The following INPP4B variants were observed in gnomAD, a reference collection of about 807,000 sequenced individuals.
INPP4B encodes inositol polyphosphate 4-phosphatase type II.
Under a neutral mutation model 122.5 loss-of-function variants are expected in INPP4B, and 55 were observed. The observed-to-expected ratio is 0.45, with a 90% CI of 0.36 to 0.56. The LOEUF (loss-of-function observed/expected upper bound fraction) is 0.56. INPP4B is among the 20% of genes least tolerant of loss of function. The probability of loss-of-function intolerance (pLI) is 0.00; values close to 1 mark genes in which losing one functional copy is unlikely to be tolerated. For missense variants in INPP4B, 1,000 were observed against 1,097.7 expected (o/e 0.91, Z 1.26); for synonymous variants, 403 against 388.7 (o/e 1.04, Z -0.43).
At chr4:142,184,837 C>T (rs569525748) in intron 15 of INPP4B, among the ~76,000 whole-genome samples, 16 of 152,172 alleles carry the variant, frequency 1.1e-4, no homozygotes, top group African/African-American at 3.9e-4. Context: ...ATGATGGTGT[C>T]ATGGTGCAAG....
intron 2 of INPP4B, among the ~76,000 whole-genome samples, chr4:142,517,203 T>C (rs1387344505): frequency 6.6e-6 from 1 of 152,062 alleles, no homozygotes; most frequent in Non-Finnish European, 1.5e-5. Flanking sequence ...GTGAAAATTA[T>C]TCTTCAAATT....
chr4:142,639,125 G>A (rs191550752), intron 2 of INPP4B, among the ~76,000 whole-genome samples: 91 of 152,218 alleles, frequency 6.0e-4, no homozygotes, highest in African/African-American at 2.1e-3. Context: ...GTGGGATCAT[G>A]CCACTTGGTT....
At chr4:142,751,938 C>T (rs879704292) in intron 1 of INPP4B, among the ~76,000 whole-genome samples, 1 of 151,994 alleles carries the variant, frequency 6.6e-6, no homozygotes, top group Non-Finnish European at 1.5e-5. Flanking sequence ...TTTCACCCTC[C>T]CCAAAGCATA....
chr4:142,817,877 A>G (rs567773988), intron 1 of INPP4B, among the ~76,000 whole-genome samples: 14 of 152,172 alleles, frequency 9.2e-5, no homozygotes, highest in Non-Finnish European at 1.9e-4. Context: ...CAAAATAACA[A>G]TAAAAGACAC....
chr4:142,519,719 C>T (rs1240658966), intron 2 of INPP4B, among the ~76,000 whole-genome samples: 6 of 152,064 alleles, frequency 3.9e-5, no homozygotes, highest in African/African-American at 1.4e-4. Context: ...AGCACATAAT[C>T]TATTATTCAT....
At chr4:142,633,799 C>G (rs920259632) in intron 2 of INPP4B, among the ~76,000 whole-genome samples, 2 of 151,910 alleles carry the variant, frequency 1.3e-5, no homozygotes, top group Non-Finnish European at 2.9e-5. Flanking sequence ...GATAAAATAA[C>G]ATAAAATAGA....
intron 1 of INPP4B, among the ~76,000 whole-genome samples, chr4:142,800,786 A>G (rs1016559422): frequency 2.0e-5 from 3 of 152,168 alleles, no homozygotes; most frequent in Non-Finnish European, 4.4e-5. Flanking sequence ...CCTCCTTAGT[A>G]CTATGCTTGG....
chr4:142,629,691 G>T (rs1331055510), intron 2 of INPP4B, among the ~76,000 whole-genome samples: 1 of 152,074 alleles, frequency 6.6e-6, no homozygotes, highest in Non-Finnish European at 1.5e-5. Context: ...AGTTCACTGT[G>T]ACAAGAATTA....
intron 25 of INPP4B, among the ~76,000 whole-genome samples, chr4:142,058,041 C>T (rs1445336531): frequency 1.3e-5 from 2 of 151,960 alleles, no homozygotes; most frequent in African/African-American, 4.8e-5. Context: ...TAGCTTAGGG[C>T]AAAGAACATA....
chr4:142,120,570 G>T (rs191862556), intron 21 of INPP4B, among the ~76,000 whole-genome samples: 5 of 151,926 alleles, frequency 3.3e-5, no homozygotes, highest in African/African-American at 9.7e-5. Flanking sequence ...TATTCTTTTC[G>T]ATGTGATTAT....
At chr4:142,053,041 T>C (rs1364314841) in intron 25 of INPP4B, among the ~76,000 whole-genome samples, 3 of 152,030 alleles carry the variant, frequency 2.0e-5, no homozygotes, top group Admixed American at 6.6e-5. Context: ...CATTCAAGCA[T>C]AGACAAAGGA....
chr4:142,123,160 A>G, intron 20 of INPP4B, 132 bp downstream of exon 20: 1 of 720,806 alleles, frequency 1.4e-6, no homozygotes, highest in Non-Finnish European at 2.1e-6. Context: ...CAAAAAACTG[A>G]AAGTTATATT....
intron 23 of INPP4B, among the ~76,000 whole-genome samples, chr4:142,088,523 C>A (rs962783346): frequency 6.6e-6 from 1 of 151,970 alleles, no homozygotes; most frequent in East Asian, 1.9e-4. Flanking sequence ...TGTGTGTGCA[C>A]GTGCACATGC....
Position 142,759,825 on chromosome 4 carries a change from T to TAAAAAAAAAAAAAAAAAAAAAAAAAAA in INPP4B, c.-253-33951_-253-33925dup, listed in dbSNP as rs70949188. On this transcript the variant is annotated intron_variant, in intron 1 of 25. Coordinates refer to ENST00000262992, the MANE Select transcript of INPP4B (RefSeq NM_001101669.3). Reference sequence around the variant, plus strand: ...CCCAGAGCTTATATAGAGCTTTTTCTAAAAAAAAAAAAAAAAAAAAAAAAA... The same window carrying TAAAAAAAAAAAAAAAAAAAAAAAAAAA: ...CCCAGAGCTTATATAGAGCTTTTTCTAAAAAAAAAAAAAAAAAAAAAAAAAAAAAAAAAAAAAAAAAAAAAAAAAAAA... Among the ~76,000 whole-genome samples the TAAAAAAAAAAAAAAAAAAAAAAAAAAA allele has an allele frequency of 3.0e-4, 21 of 70,046 alleles. 2 individuals carry two copies. Among genetic ancestry groups the TAAAAAAAAAAAAAAAAAAAAAAAAAAA allele is most frequent in the African/African-American group, 1.1e-3 (19 of 17,894 alleles). The allele number at this position is 70,046 out of a possible 152,430, so 46.0% of individuals were successfully genotyped here.
chr4:142,344,252 G>A (rs1812174), intron 7 of INPP4B, among the ~76,000 whole-genome samples: 43,867 of 151,916 alleles, frequency 0.29, 7,428 homozygotes, highest in Non-Finnish European at 0.39. Context: ...GCAGGGTGCC[G>A]TAGCCAGATG....
intron 1 of INPP4B, among the ~76,000 whole-genome samples, chr4:142,760,394 G>A (rs1168385846): frequency 6.6e-6 from 1 of 151,990 alleles, no homozygotes; most frequent in African/African-American, 2.4e-5. Flanking sequence ...CATAGCAAAA[G>A]GATATAAATT....
intron 1 of INPP4B, among the ~76,000 whole-genome samples, chr4:142,741,278 G>T (rs754157530): frequency 1.3e-5 from 2 of 152,010 alleles, no homozygotes; most frequent in Non-Finnish European, 2.9e-5. Context: ...TACAAACATG[G>T]TGGAGGGTGA....
intron 2 of INPP4B, among the ~76,000 whole-genome samples, chr4:142,579,850 G>A (rs1250356447): frequency 7.0e-6 from 1 of 142,652 alleles, no homozygotes; most frequent in Non-Finnish European, 1.5e-5. Flanking sequence ...AGATAGATTG[G>A]ATGAATGGAT....
intron 2 of INPP4B, among the ~76,000 whole-genome samples, chr4:142,590,006 A>C (rs2150242122): frequency 6.6e-6 from 1 of 152,264 alleles, no homozygotes; most frequent in East Asian, 1.9e-4. Context: ...ACATATTATT[A>C]AGTGGAAGAG....
Sources: allele counts gnomAD v4.1 joint callset (sites outside exome capture counted in the v4.1 genomes callset), GRCh38; gene constraint gnomAD v4.1.1; transcripts MANE v1.5; gene names NCBI Gene and HGNC (gene_info 2026-07-23, HGNC 2026-07-21).